The following SIMC1 variants were observed in gnomAD, a reference collection of about 807,000 sequenced individuals.
The protein encoded by SIMC1 is SUMO-interacting motif-containing protein 1.
Under a neutral mutation model 82.3 loss-of-function variants are expected in SIMC1, and 55 were observed. The observed-to-expected ratio is 0.67, with a 90% CI of 0.54 to 0.84. SIMC1 has a LOEUF of 0.84. Ranked by LOEUF, SIMC1 falls within the 40% of genes least tolerant of loss-of-function variation. The pLI is 0.00. For missense variants in SIMC1, 915 were observed against 1,107.2 expected, an observed-to-expected ratio of 0.83 and a Z score of 2.46; for synonymous variants, 353 against 426.3, an observed-to-expected ratio of 0.83 and a Z score of 2.12.
rs545628874 is a variant in SIMC1, at chr5:176,291,430, G to A, written c.1431+475G>A. ...CCGCTCACTGCAAGCTCCGCCTCCC[G>A]GGTTCACGTCATTCGCTTGCCTCAG... On this transcript the variant is annotated intron_variant, in intron 2 of 9. Transcript: ENST00000429602. 6.7e-5 allele frequency among the ~76,000 whole-genome samples: 10 copies of A among 150,122 alleles called. No homozygotes were observed. In the East Asian group the frequency reaches 1.4e-3, roughly 21 times the overall value.
intron 1 of SIMC1, among the ~76,000 whole-genome samples, chr5:176,266,014 G>A (rs1317711692): frequency 6.6e-6 from 1 of 152,084 alleles, no homozygotes; most frequent in African/African-American, 2.4e-5. Flanking sequence ...ATCAAAGAGG[G>A]GAGCAACTGA....
At chr5:176,331,926 G>T (rs1284363820) in intron 7 of SIMC1, among the ~76,000 whole-genome samples, 1 of 151,694 alleles carries the variant, frequency 6.6e-6, no homozygotes, top group South Asian at 2.1e-4. Context: ...CCAAGATTGT[G>T]CCACTGCACT....
intron 9 of SIMC1, among the ~76,000 whole-genome samples, chr5:176,338,303 G>A (rs1181401185): frequency 1.3e-5 from 2 of 152,142 alleles, no homozygotes; most frequent in African/African-American, 4.8e-5. Flanking sequence ...TACAAGGCAT[G>A]ACCCTAGGCT....
In SIMC1 at chr5:176,280,617, G is replaced by T. The variant is rs533671157; in HGVS notation, c.130-9037G>T. On this transcript the variant is annotated intron_variant, in intron 1 of 9. Transcript: ENST00000429602. ...TTTAGTGCTTCCTTCAGGAGCTCTT[G>T]TACGGCAGGCCTGGTGGTGACAAAA... Among the ~76,000 whole-genome samples the T allele has an allele frequency of 3.4e-3, 517 of 152,216 alleles. 2 individuals are homozygous for T. The highest frequency in any genetic ancestry group is 0.01 in the Middle Eastern group (3 of 294).
intron 4 of SIMC1, among the ~76,000 whole-genome samples, chr5:176,306,647 T>A (rs1764425843): frequency 6.6e-6 from 1 of 151,700 alleles, no homozygotes; most frequent in African/African-American, 2.4e-5. Flanking sequence ...ATGTGCTGTG[T>A]CCACTCAGGG....
rs1176782722 is a variant in SIMC1, at chr5:176,322,363, C to T, written c.1980C>T (p.Ile660=). 6.2e-7 allele frequency: 1 copy of T among 1,605,684 alleles called. No homozygotes were observed. The highest frequency in any genetic ancestry group is 8.5e-7 in the Non-Finnish European group (1 of 1,176,152). The change falls in exon 6 of 10, where the codon ATC becomes ATT. Residue 660 remains isoleucine (I), a synonymous_variant. Transcript: ENST00000429602. ...ATCAAACGTCTTCAGGAACAGGAATCTTGAAAGCCAGCAGTAGCCACCCTT... is the reference window on the plus strand; with the variant it reads ...ATCAAACGTCTTCAGGAACAGGAATTTTGAAAGCCAGCAGTAGCCACCCTT... The part of the protein sequence containing the change: ...NGNQTSSGTG[I]LKASSSHPSS...
chr5:176,264,677 C>A (rs1267834348), intron 1 of SIMC1, among the ~76,000 whole-genome samples: 3 of 151,574 alleles, frequency 2.0e-5, no homozygotes, highest in Non-Finnish European at 4.4e-5. Flanking sequence ...CTTGTTCCTT[C>A]CCTACCACAG....
At chr5:176,281,902 A>G (rs540162752) in intron 1 of SIMC1, among the ~76,000 whole-genome samples, 1 of 152,360 alleles carries the variant, frequency 6.6e-6, no homozygotes, top group East Asian at 1.9e-4. Flanking sequence ...TTGAGGAGGC[A>G]GTCTGCCCGT....
intron 1 of SIMC1, among the ~76,000 whole-genome samples, chr5:176,252,855 G>C (rs1761725990): frequency 6.6e-6 from 1 of 152,210 alleles, no homozygotes; most frequent in Admixed American, 6.5e-5. Context: ...GCACCATTGA[G>C]CACTGAGTGA....
intron 4 of SIMC1, among the ~76,000 whole-genome samples, chr5:176,309,736 G>T (rs1764580705): frequency 6.6e-6 from 1 of 152,126 alleles, no homozygotes; most frequent in Non-Finnish European, 1.5e-5. Flanking sequence ...AGGGGTTCCA[G>T]ACCAGCCTGG....
chr5:176,297,849 G>A (rs1346627913), intron 4 of SIMC1, among the ~76,000 whole-genome samples: 3 of 152,140 alleles, frequency 2.0e-5, no homozygotes, highest in Non-Finnish European at 4.4e-5. Context: ...CAAAAAAAGG[G>A]GGGAGGCATG....
intron 9 of SIMC1, 67 bp downstream of exon 9, chr5:176,337,213 T>A: frequency 8.0e-7 from 1 of 1,254,214 alleles, no homozygotes; most frequent in Non-Finnish European, 1.2e-6. Context: ...TAGTCATAAC[T>A]ACACAGGATA....
chr5:176,277,104 C>G (rs1319947513), intron 1 of SIMC1, among the ~76,000 whole-genome samples: 1 of 151,920 alleles, frequency 6.6e-6, no homozygotes, highest in East Asian at 1.9e-4. Flanking sequence ...TCCTCTCCAG[C>G]ACCTGTCGTT....
At chr5:176,270,267 A>G (rs1762368632) in intron 1 of SIMC1, 1 of 152,170 alleles carries the variant, frequency 6.6e-6, no homozygotes, top group East Asian at 1.9e-4. Context: ...AAAATGTAAT[A>G]GCTCTTCCCA....
chr5:176,312,709 C>G (rs1037493343), intron 4 of SIMC1, among the ~76,000 whole-genome samples: 6 of 152,156 alleles, frequency 3.9e-5, no homozygotes, highest in African/African-American at 1.4e-4. Flanking sequence ...CACTTAGTTT[C>G]CTACTGACTG....
chr5:176,323,927 G>A (rs1386129599), intron 6 of SIMC1, among the ~76,000 whole-genome samples: 1 of 151,418 alleles, frequency 6.6e-6, no homozygotes, highest in Admixed American at 6.6e-5. Flanking sequence ...GGCGGAGCTG[G>A]CAGTGAGCCA....
At chr5:176,322,614 T>C (rs920031303) in intron 6 of SIMC1, 189 bp downstream of exon 6, 4 of 668,570 alleles carry the variant, frequency 6.0e-6, no homozygotes, top group Non-Finnish European at 7.2e-6. Flanking sequence ...ACCAGGTGCT[T>C]TCACCCCTAA....
Position 176,290,436 on chromosome 5 carries a change from C to T in SIMC1, c.912C>T (p.Tyr304=). 6.2e-7 allele frequency: 1 copy of T among 1,613,988 alleles called. No homozygotes were observed. Among genetic ancestry groups the T allele is most frequent in the South Asian group, 1.1e-5 (1 of 91,080 alleles). The part of the protein sequence containing the change: ...QSILHPQDVA[Y]LQDMPRSPGD... ...TATTACATCCACAAGATGTGGCATA[C>T]CTGCAAGACATGCCACGGTCACCAG... The change falls in exon 2 of 10, where the codon TAC becomes TAT. Residue 304 remains tyrosine (Y), a synonymous_variant. Transcript: ENST00000429602.
intron 9 of SIMC1, among the ~76,000 whole-genome samples, chr5:176,343,788 GT>G (rs1436493570): frequency 1.3e-5 from 2 of 150,210 alleles, no homozygotes; most frequent in Non-Finnish European, 2.9e-5. Context: ...TTGTTTTTTT[GT>G]TTTGTTTTGT....
Sources: allele counts gnomAD v4.1 joint callset (sites outside exome capture counted in the v4.1 genomes callset), GRCh38; gene constraint gnomAD v4.1.1; transcripts MANE v1.5; gene names NCBI Gene and HGNC (gene_info 2026-07-23, HGNC 2026-07-21).